MITF: variants seen among roughly 807,000 people sequenced by gnomAD.
The protein encoded by MITF is microphthalmia-associated transcription factor.
Under a neutral mutation model 60.5 loss-of-function variants are expected in MITF, and 17 were observed. The ratio of observed to expected loss-of-function variants is 0.28; its 90% CI spans 0.19 to 0.42. The LOEUF is 0.42. MITF is among the 10% of genes least tolerant of loss of function. The probability of loss-of-function intolerance (pLI) is 1.00; values close to 1 mark genes in which losing one functional copy is unlikely to be tolerated. For missense variants in MITF, 622 were observed against 683.5 expected (o/e 0.91, Z 1.00); for synonymous variants, 260 against 248.5 (o/e 1.05, Z -0.43).
At chr3:69,905,948 G>A (rs947387437) in intron 2 of MITF, among the ~76,000 whole-genome samples, 2 of 151,996 alleles carry the variant, frequency 1.3e-5, no homozygotes, top group African/African-American at 4.8e-5. Context: ...TATTAATAGT[G>A]TCTTTTGAAA....
At chr3:69,883,744 A>G (rs1411391350) in intron 2 of MITF, among the ~76,000 whole-genome samples, 1 of 152,116 alleles carries the variant, frequency 6.6e-6, no homozygotes, top group East Asian at 1.9e-4. Flanking sequence ...TTGTCCCCTC[A>G]GTTAGGGGAT....
chr3:69,812,671 C>T (rs1575752266), intron 1 of MITF, among the ~76,000 whole-genome samples: 1 of 152,160 alleles, frequency 6.6e-6, no homozygotes, highest in South Asian at 2.1e-4. Context: ...TGAGGTTCTG[C>T]TCACAATGCG....
intron 4 of MITF, among the ~76,000 whole-genome samples, chr3:69,939,724 T>C (rs910183818): frequency 2.0e-5 from 3 of 152,186 alleles, no homozygotes; most frequent in Admixed American, 2.0e-4. Context: ...TAGGAGAGAA[T>C]GATAAGCAAC....
intron 1 of MITF, among the ~76,000 whole-genome samples, chr3:69,808,930 G>A (rs9846982): frequency 0.023 from 3,504 of 152,152 alleles, 135 homozygotes; most frequent in African/African-American, 0.079. Flanking sequence ...AAGTGGGGCT[G>A]GGGACAAAAG....
At chr3:69,946,465 T>A (rs1475081624) in intron 5 of MITF, among the ~76,000 whole-genome samples, 1 of 152,168 alleles carries the variant, frequency 6.6e-6, no homozygotes, top group Non-Finnish European at 1.5e-5. Context: ...GCTGTTAACA[T>A]GGGACGTGAG....
intron 2 of MITF, among the ~76,000 whole-genome samples, chr3:69,921,131 C>T (rs1453278128): frequency 1.3e-5 from 2 of 152,228 alleles, no homozygotes; most frequent in Non-Finnish European, 2.9e-5. Flanking sequence ...CTCGGCCTCC[C>T]AAAGTGCTGG....
chr3:69,854,726 T>G (rs1334332340), intron 1 of MITF, among the ~76,000 whole-genome samples: 1 of 152,210 alleles, frequency 6.6e-6, no homozygotes, highest in Non-Finnish European at 1.5e-5. Context: ...AAGGCCATAC[T>G]GTGCATTGTA....
chr3:69,797,034 C>G lies in MITF; in HGVS notation c.104+57333C>G, dbSNP rs1575728418. 1.3e-5 allele frequency among the ~76,000 whole-genome samples: 2 copies of G among 152,104 alleles called. 1 individual carries two copies. Among genetic ancestry groups the G allele is most frequent in the Admixed American group, 1.3e-4 (2 of 15,266 alleles). Reference sequence around the variant, plus strand: ...CTCTAACATAAGCTAAATACATTAGCAAGGAGAACATCTACTATTCTAAGT... The same window carrying G: ...CTCTAACATAAGCTAAATACATTAGGAAGGAGAACATCTACTATTCTAAGT... On this transcript the variant is annotated intron_variant, in intron 1 of 9. Transcript: ENST00000352241.
chr3:69,771,424 AT>A (rs1320565690), intron 1 of MITF, among the ~76,000 whole-genome samples: 13 of 152,164 alleles, frequency 8.5e-5, no homozygotes, highest in Admixed American at 8.5e-4. Flanking sequence ...ACACTTGTTT[AT>A]TAAACTTGGC....
intron 1 of MITF, among the ~76,000 whole-genome samples, chr3:69,813,318 A>G (rs1303395248): frequency 2.0e-5 from 3 of 152,186 alleles, no homozygotes; most frequent in African/African-American, 4.8e-5. Context: ...TTTTGCTTCC[A>G]TTATGCATTT....
chr3:69,754,604 C>G (rs984169955), intron 1 of MITF, among the ~76,000 whole-genome samples: 2 of 151,836 alleles, frequency 1.3e-5, no homozygotes, highest in Non-Finnish European at 2.9e-5. Context: ...GCCTGCAGAA[C>G]AGTGAACCAA....
intron 1 of MITF, among the ~76,000 whole-genome samples, chr3:69,839,904 T>TC (rs1273945782): frequency 3.6e-5 from 5 of 139,252 alleles, no homozygotes. Flanking sequence ...ACACCCCTCC[T>TC]CCCCAAGTCT....
At chr3:69,807,845 T>A (rs1481269158) in intron 1 of MITF, among the ~76,000 whole-genome samples, 1 of 152,146 alleles carries the variant, frequency 6.6e-6, no homozygotes, top group Non-Finnish European at 1.5e-5. Context: ...CTAAGCTTCG[T>A]GATTGCAAAT....
At chr3:69,885,182 A>G (rs908985292) in intron 2 of MITF, among the ~76,000 whole-genome samples, 3 of 152,100 alleles carry the variant, frequency 2.0e-5, no homozygotes, top group African/African-American at 2.4e-5. Flanking sequence ...GATACGCAAC[A>G]TGGCGCTCTC....
At chr3:69,786,598 G>A (rs1192065722) in intron 1 of MITF, among the ~76,000 whole-genome samples, 2 of 151,938 alleles carry the variant, frequency 1.3e-5, no homozygotes, top group East Asian at 3.9e-4. Flanking sequence ...AGTTCTTATG[G>A]GTTGCACCGA....
intron 2 of MITF, among the ~76,000 whole-genome samples, chr3:69,884,896 A>G (rs950911890): frequency 6.6e-6 from 1 of 152,162 alleles, no homozygotes; most frequent in Non-Finnish European, 1.5e-5. Flanking sequence ...ATCTGAAACA[A>G]AATATTCAGC....
In MITF at chr3:69,859,930, G is replaced by C. The variant is rs150523101; in HGVS notation, c.105-19204G>C. Among the ~76,000 whole-genome samples the C allele has an allele frequency of 2.8e-3, 431 of 152,208 alleles. 2 individuals carry two copies. The highest frequency in any genetic ancestry group is 0.01 in the African/African-American group (417 of 41,538). ...GTAAAGTCATCTTGTGAATAACTTTGTCCCCCACACTGATGACGGCCTTAT... is the reference window on the plus strand; with the variant it reads ...GTAAAGTCATCTTGTGAATAACTTTCTCCCCCACACTGATGACGGCCTTAT... On this transcript the variant is annotated intron_variant, in intron 1 of 9. Transcript: ENST00000352241.
At chr3:69,964,088 T>TGC (rs2066623303) in intron 9 of MITF, among the ~76,000 whole-genome samples, 1 of 147,424 alleles carries the variant, frequency 6.8e-6, no homozygotes, top group Non-Finnish European at 1.5e-5. Context: ...ACGATTCTCC[T>TGC]GCCTCAGCCT....
At chr3:69,812,077 T>TTAGATTAG (rs56300621) in intron 1 of MITF, among the ~76,000 whole-genome samples, 24,774 of 152,014 alleles carry the variant, frequency 0.16, 2,160 homozygotes, top group Middle Eastern at 0.21. Context: ...GAGTAGAACA[T>TTAGATTAG]TAGATTAGTA....
Sources: allele counts gnomAD v4.1 joint callset (sites outside exome capture counted in the v4.1 genomes callset), GRCh38; gene constraint gnomAD v4.1.1; transcripts MANE v1.5; gene names NCBI Gene and HGNC (gene_info 2026-07-23, HGNC 2026-07-21).